Variants in NTAQ1 observed in about 807,000 individuals in gnomAD.
NTAQ1 encodes the protein protein N-terminal glutamine amidohydrolase.
A neutral mutation model predicts 28.2 loss-of-function variants in NTAQ1; 21 were observed. The observed-to-expected ratio is 0.74, with a 90% CI of 0.53 to 1.07. The LOEUF (loss-of-function observed/expected upper bound fraction) is 1.07, where lower values mean the gene tolerates loss of function less well. Ranked by LOEUF, NTAQ1 falls within the 50% of genes least tolerant of loss-of-function variation. The pLI is 0.00. For missense variants in NTAQ1, 264 were observed against 256.6 expected, an observed-to-expected ratio of 1.03 and a Z score of -0.20; for synonymous variants, 105 against 90.0, an observed-to-expected ratio of 1.17 and a Z score of -0.94.
chr8:123,458,452 A>G (rs1341005207), intron 6 of NTAQ1, among the ~76,000 whole-genome samples: 1 of 152,102 alleles, frequency 6.6e-6, no homozygotes, highest in Non-Finnish European at 1.5e-5. Flanking sequence ...AGGTGAAACC[A>G]TTAAACAGCT....
chr8:123,439,270 C>T (rs901533272), intron 5 of NTAQ1, among the ~76,000 whole-genome samples: 1 of 152,000 alleles, frequency 6.6e-6, no homozygotes. Context: ...CCTCCATCTC[C>T]TGAGTTCAAG....
chr8:123,439,367 G>A (rs1814910859), intron 5 of NTAQ1, among the ~76,000 whole-genome samples: 1 of 147,668 alleles, frequency 6.8e-6, no homozygotes, highest in African/African-American at 2.5e-5. Context: ...TTTTGAGACG[G>A]AGTCTCACTC....
intron 1 of NTAQ1, among the ~76,000 whole-genome samples, chr8:123,417,303 A>C (rs1034305308): frequency 6.6e-6 from 1 of 152,084 alleles, no homozygotes; most frequent in Admixed American, 6.6e-5. Context: ...GGTCATTTTA[A>C]TTTTGTAAGA....
chr8:123,473,734 C>T (rs950663704), downstream of NTAQ1, among the ~76,000 whole-genome samples: 2 of 152,162 alleles, frequency 1.3e-5, no homozygotes, highest in African/African-American at 4.8e-5. Context: ...AAGTAATTTA[C>T]TTTGATCTTC....
At chr8:123,471,964 A>G (rs1252875033), downstream of NTAQ1, among the ~76,000 whole-genome samples, 1 of 152,232 alleles carries the variant, frequency 6.6e-6, no homozygotes, top group Non-Finnish European at 1.5e-5. Context: ...CAACCCATAA[A>G]AGTAATAATC....
intron 3 of NTAQ1, chr8:123,435,513 A>G (rs1019702620): frequency 1.0e-5 from 10 of 985,274 alleles, no homozygotes; most frequent in Non-Finnish European, 1.1e-5. Context: ...CTGCATTCAC[A>G]TGCATGCAAA....
intron 5 of NTAQ1, chr8:123,438,365 T>C: frequency 1.8e-6 from 1 of 543,534 alleles, no homozygotes; most frequent in Admixed American, 3.1e-5. Flanking sequence ...TGTTAGTACT[T>C]CAACAAGGGT....
At chr8:123,452,345 C>T (rs1815522972), downstream of NTAQ1, among the ~76,000 whole-genome samples, 1 of 152,242 alleles carries the variant, frequency 6.6e-6, no homozygotes, top group Non-Finnish European at 1.5e-5. Context: ...ACCTGTAATC[C>T]TAGCACTTTG....
At chr8:123,463,275 T>G (rs925866308) in intron 6 of NTAQ1, among the ~76,000 whole-genome samples, 4 of 152,230 alleles carry the variant, frequency 2.6e-5, no homozygotes, top group African/African-American at 9.6e-5. Context: ...AACAATGATG[T>G]CTAATATGTG....
In NTAQ1 at chr8:123,433,519, C is replaced by T. The variant is rs80346606; in HGVS notation, c.235-2934C>T. On this transcript the variant is annotated intron_variant, in intron 3 of 5. Transcript: ENST00000287387. ...CTGGAGTGCAGTGGCATGATCTTAGCTCAGTGCAACCTCTGTCTCCTGGGT... is the reference window on the plus strand; with the variant it reads ...CTGGAGTGCAGTGGCATGATCTTAGTTCAGTGCAACCTCTGTCTCCTGGGT... 0.025 allele frequency among the ~76,000 whole-genome samples: 3,744 copies of T among 152,230 alleles called. 263 individuals carry two copies. In the East Asian group the frequency reaches 0.27, roughly 11 times the overall value.
intron 6 of NTAQ1, among the ~76,000 whole-genome samples, chr8:123,454,271 C>T (rs948014525): frequency 3.3e-5 from 5 of 152,132 alleles, no homozygotes; most frequent in African/African-American, 9.7e-5. Flanking sequence ...GTGATGGAGA[C>T]GGGAAACAAA....
At chr8:123,447,726 C>G (rs1815341988) in intron 6 of NTAQ1, among the ~76,000 whole-genome samples, 2 of 152,124 alleles carry the variant, frequency 1.3e-5, no homozygotes, top group South Asian at 4.2e-4. Context: ...CATTGTGCCT[C>G]TTTCTGTATT....
In NTAQ1 at chr8:123,463,454, A is replaced by G. The variant is rs375867376; in HGVS notation, c.373-3625A>G. On this transcript the variant is annotated intron_variant, in intron 6 of 6. Coordinates refer to the NTAQ1 transcript ENST00000650311. ...TTACCGTCTATTGAATAACTCATAAAGTTGATTTGCCATGCTTTATTAAGT... is the reference window on the plus strand; with the variant it reads ...TTACCGTCTATTGAATAACTCATAAGGTTGATTTGCCATGCTTTATTAAGT... 6.0e-4 allele frequency among the ~76,000 whole-genome samples: 91 copies of G among 152,322 alleles called. 2 individuals carry two copies. Among genetic ancestry groups the G allele is most frequent in the African/African-American group, 2.1e-3 (87 of 41,566 alleles).
chr8:123,453,749 C>A (rs1006560607), intron 6 of NTAQ1, among the ~76,000 whole-genome samples: 4 of 152,128 alleles, frequency 2.6e-5, no homozygotes, highest in Non-Finnish European at 4.4e-5. Context: ...CTAAGCTCTT[C>A]ATGTGTATGA....
chr8:123,468,065 C>A (rs1816000453), exon 7 of NTAQ1, among the ~76,000 whole-genome samples: 1 of 152,110 alleles, frequency 6.6e-6, no homozygotes, highest in South Asian at 2.1e-4. Context: ...AGCAGGAGGC[C>A]AGATCAAGGA....
intron 6 of NTAQ1, among the ~76,000 whole-genome samples, chr8:123,458,074 CAAAT>C (rs1276375974): frequency 6.9e-5 from 6 of 87,296 alleles, no homozygotes; most frequent in Admixed American, 5.9e-4. Flanking sequence ...AAAAAAAAAA[CAAAT>C]AAATCACACT....
At chr8:123,434,579 T>G in intron 3 of NTAQ1, among the ~76,000 whole-genome samples, 1 of 151,962 alleles carries the variant, frequency 6.6e-6, no homozygotes, top group Admixed American at 6.5e-5. Flanking sequence ...GAGCTGGGAT[T>G]GTGCCACTGT....
At chr8:123,416,766 C>A (rs1357266612), upstream of NTAQ1, 2 of 1,318,090 alleles carry the variant, frequency 1.5e-6, no homozygotes, top group Non-Finnish European at 2.0e-6. Flanking sequence ...CGGGAACCCA[C>A]GCGGGCCACT....
At chr8:123,443,291 A>T (rs529820720), downstream of NTAQ1, among the ~76,000 whole-genome samples, 1 of 152,254 alleles carries the variant, frequency 6.6e-6, no homozygotes, top group Admixed American at 6.5e-5. Flanking sequence ...ATGTGCTGGG[A>T]TTACAGGCAT....
Sources: allele counts gnomAD v4.1 joint callset (sites outside exome capture counted in the v4.1 genomes callset), GRCh38; gene constraint gnomAD v4.1.1; transcripts MANE v1.5; gene names NCBI Gene and HGNC (gene_info 2026-07-23, HGNC 2026-07-21).